ATXN1: variants seen among roughly 807,000 people sequenced by gnomAD.
ATXN1 encodes ataxin-1.
A neutral mutation model predicts 56.4 loss-of-function variants in ATXN1; 8 were observed. The ratio of observed to expected loss-of-function variants is 0.14; its 90% CI spans 0.08 to 0.26. The LOEUF (loss-of-function observed/expected upper bound fraction) is 0.26, where lower values mean the gene tolerates loss of function less well. Among genes scored for constraint, ATXN1 ranks in the 10% least tolerant of loss-of-function variants. ATXN1 has a pLI of 1.00. For synonymous variants in ATXN1, 514 were observed against 494.6 expected (o/e 1.04, Z -0.52); for missense variants, 987 against 1,106.5 (o/e 0.89, Z 1.53).
At chr6:16,471,242 CT>C (rs1229332268) in intron 6 of ATXN1, among the ~76,000 whole-genome samples, 2 of 151,488 alleles carry the variant, frequency 1.3e-5, no homozygotes, top group South Asian at 2.1e-4. Flanking sequence ...TTGAAAAGGG[CT>C]TCATCAGAAG....
At chr6:16,596,131 G>T in intron 3 of ATXN1, among the ~76,000 whole-genome samples, 1 of 152,094 alleles carries the variant, frequency 6.6e-6, no homozygotes, top group East Asian at 1.9e-4. Context: ...AGAGGAGCTG[G>T]GACTACAGAT....
At chr6:16,554,325 T>G (rs1488335550) in intron 4 of ATXN1, among the ~76,000 whole-genome samples, 1 of 152,244 alleles carries the variant, frequency 6.6e-6, no homozygotes, top group East Asian at 1.9e-4. Context: ...TGCTAAGATT[T>G]GTGGAAAATA....
chr6:16,729,339 G>A (rs1759917218), intron 2 of ATXN1, among the ~76,000 whole-genome samples: 1 of 152,222 alleles, frequency 6.6e-6, no homozygotes, highest in African/African-American at 2.4e-5. Context: ...AGAGCAAAGA[G>A]AAAATGAGTC....
In ATXN1 at chr6:16,328,401, T is replaced by C; in HGVS notation, c.-91A>G. The C allele has an allele frequency of 7.2e-7, 1 of 1,395,510 alleles. No homozygotes were observed. The allele number at this position is 1,395,510 out of a possible 1,614,324, so 86.4% of individuals were successfully genotyped here. On this transcript the variant is annotated 5_prime_UTR_variant, in exon 7 of 8. Coordinates refer to ENST00000436367, the MANE Select transcript of ATXN1 (RefSeq NM_001128164.2). This position sits in a 1 kb window ranked among gnomAD's most constrained non-coding sequence, Gnocchi z 6.2. ...AACGGAAAGTCACATTTGATTTCTG[T>C]AGGGGATCCAGGCTCTTCATGAGGA...
chr6:16,635,250 T>C (rs1445660761), intron 3 of ATXN1, among the ~76,000 whole-genome samples: 1 of 152,228 alleles, frequency 6.6e-6, no homozygotes, highest in Non-Finnish European at 1.5e-5. Flanking sequence ...GGGACCGTTT[T>C]GTTGCAGGAA....
intron 4 of ATXN1, among the ~76,000 whole-genome samples, chr6:16,526,104 T>C (rs1761390282): frequency 6.8e-6 from 1 of 146,978 alleles, no homozygotes. Flanking sequence ...ATGATAGTAT[T>C]CATAGTATTT....
chr6:16,448,484 G>T (rs997156490), intron 6 of ATXN1, among the ~76,000 whole-genome samples: 14 of 151,940 alleles, frequency 9.2e-5, no homozygotes, highest in African/African-American at 3.1e-4. Context: ...ATATTTTGGG[G>T]GTACAAGTGA....
chr6:16,360,557 G>C (rs1185871637), intron 6 of ATXN1, among the ~76,000 whole-genome samples: 1 of 152,096 alleles, frequency 6.6e-6, no homozygotes, highest in African/African-American at 2.4e-5. Context: ...TCAGAGCCAG[G>C]GAACATGACT....
Position 16,650,715 on chromosome 6 carries a change from C to T in ATXN1, c.-489+7061G>A, listed in dbSNP as rs570993245. ...TATTCTTGTACCAATCTCTGGGTTTCGGCGAATCACAGGCAGCCTATCGTT... is the reference window on the plus strand; with the variant it reads ...TATTCTTGTACCAATCTCTGGGTTTTGGCGAATCACAGGCAGCCTATCGTT... On this transcript the variant is annotated intron_variant, in intron 3 of 7. Transcript: ENST00000436367. 7.9e-5 allele frequency among the ~76,000 whole-genome samples: 12 copies of T among 152,274 alleles called. 1 individual carries two copies. Among genetic ancestry groups the T allele is most frequent in the South Asian group, 4.1e-4 (2 of 4,822 alleles).
At chr6:16,439,371 GGCGGGGC>G (rs1300915985) in intron 6 of ATXN1, among the ~76,000 whole-genome samples, 1 of 28,738 alleles carries the variant, frequency 3.5e-5, no homozygotes, top group African/African-American at 1.3e-4. Context: ...CGGGGCCGGG[GGCGGGGC>G]GGGAATAAGG....
intron 7 of ATXN1, among the ~76,000 whole-genome samples, chr6:16,317,401 G>A (rs1156431301): frequency 6.6e-6 from 1 of 151,512 alleles, no homozygotes; most frequent in Non-Finnish European, 1.5e-5. Flanking sequence ...CTTGATTCAC[G>A]GTAACCTCTG....
intron 5 of ATXN1, among the ~76,000 whole-genome samples, chr6:16,517,690 A>T (rs1164033380): frequency 6.6e-6 from 1 of 152,360 alleles, no homozygotes; most frequent in East Asian, 1.9e-4. Flanking sequence ...AAGTACATAC[A>T]AATACATATG....
intron 4 of ATXN1, among the ~76,000 whole-genome samples, chr6:16,582,259 C>A (rs236967): frequency 6.6e-6 from 1 of 152,168 alleles, no homozygotes; most frequent in Non-Finnish European, 1.5e-5. Flanking sequence ...CCTGTTCCCC[C>A]AAACCAGTTA....
At chr6:16,656,981 CT>C (rs869034865) in intron 3 of ATXN1, among the ~76,000 whole-genome samples, 26,342 of 120,208 alleles carry the variant, frequency 0.22, 1,885 homozygotes, top group Admixed American at 0.27. Flanking sequence ...GTATTATAAT[CT>C]TTTTTTTTTT....
At chr6:16,461,161 T>C (rs1409756142) in intron 6 of ATXN1, among the ~76,000 whole-genome samples, 2 of 152,118 alleles carry the variant, frequency 1.3e-5, no homozygotes, top group Non-Finnish European at 2.9e-5. Context: ...CCATTAGAAA[T>C]ACCTATGGAA....
At chr6:16,518,044 G>A (rs537682364) in intron 5 of ATXN1, among the ~76,000 whole-genome samples, 1 of 152,342 alleles carries the variant, frequency 6.6e-6, no homozygotes, top group South Asian at 2.1e-4. Flanking sequence ...CAAGGCTTTT[G>A]CTTCCACTGA....
In ATXN1 at chr6:16,746,861, T is replaced by C; in HGVS notation, c.-615+6372A>G. Among the ~76,000 whole-genome samples, 2 of 152,044 alleles carry C rather than the reference T, an allele frequency of 1.3e-5. 1 individual carries two copies. Among genetic ancestry groups the C allele is most frequent in the Non-Finnish European group, 2.9e-5 (2 of 67,988 alleles). The stretch of plus-strand genomic sequence containing the variant: ...GCCGGGAGCAAGAATTACAATAAAA[T>C]CTATTCATGGAACTGTACAATGTCA... On this transcript the variant is annotated intron_variant, in intron 2 of 7. Coordinates refer to ENST00000436367, the MANE Select transcript of ATXN1 (RefSeq NM_001128164.2).
intron 5 of ATXN1, among the ~76,000 whole-genome samples, chr6:16,505,708 G>C (rs1462682671): frequency 6.6e-6 from 1 of 152,132 alleles, no homozygotes; most frequent in African/African-American, 2.4e-5. Flanking sequence ...CGTGTACACG[G>C]TTATGAGGCT....
At chr6:16,401,668 T>A (rs886162412) in intron 6 of ATXN1, among the ~76,000 whole-genome samples, 1 of 152,148 alleles carries the variant, frequency 6.6e-6, no homozygotes, top group Non-Finnish European at 1.5e-5. Context: ...AGGAAAATAA[T>A]GTTGACTTTT....
Sources: allele counts gnomAD v4.1 joint callset (sites outside exome capture counted in the v4.1 genomes callset), GRCh38; gene constraint gnomAD v4.1.1; non-coding constraint Gnocchi (gnomAD v3.1); transcripts MANE v1.5; gene names NCBI Gene and HGNC (gene_info 2026-07-23, HGNC 2026-07-21).